Variants in MYO3B observed in about 807,000 individuals in gnomAD.
The protein encoded by MYO3B is myosin IIIB.
A neutral mutation model predicts 174.6 loss-of-function variants in MYO3B; 156 were observed. The ratio of observed to expected loss-of-function variants is 0.89; its 90% confidence interval spans 0.78 to 1.02. The LOEUF is 1.02. Among genes scored for constraint, MYO3B ranks in the 50% least tolerant of loss-of-function variants. MYO3B has a pLI of 0.00. For missense variants in MYO3B, 1,632 were observed against 1,639.4 expected (o/e 1.00, Z 0.08); for synonymous variants, 563 against 569.1 (o/e 0.99, Z 0.15).
At chr2:170,183,890 T>TAAA (rs3066881) in intron 1 of MYO3B, among the ~76,000 whole-genome samples, 2 of 151,798 alleles carry the variant, frequency 1.3e-5, no homozygotes, top group African/African-American at 4.8e-5. Context: ...TTCTAAAAAT[T>TAAA]AGATATTAAA....
intron 7 of MYO3B, among the ~76,000 whole-genome samples, chr2:170,280,436 T>C (rs993780105): frequency 6.6e-6 from 1 of 152,204 alleles, no homozygotes; most frequent in Non-Finnish European, 1.5e-5. Context: ...GCTGATAGTT[T>C]CTTTTGCCGT....
intron 32 of MYO3B, chr2:170,647,983 A>C (rs1698507569): frequency 6.6e-6 from 1 of 152,194 alleles, no homozygotes; most frequent in Non-Finnish European, 1.5e-5. Flanking sequence ...GCCGTATTAG[A>C]AAGTCTGAGG....
chr2:170,536,930 G>A (rs1327764144), intron 30 of MYO3B, among the ~76,000 whole-genome samples: 2 of 152,016 alleles, frequency 1.3e-5, no homozygotes, highest in African/African-American at 4.8e-5. Context: ...GGCTGGGCGT[G>A]GTGGCTCACG....
At chr2:170,553,623 T>A (rs1691076188) in intron 32 of MYO3B, among the ~76,000 whole-genome samples, 2 of 152,212 alleles carry the variant, frequency 1.3e-5, no homozygotes, top group Admixed American at 1.3e-4. Flanking sequence ...GGACTTGGAC[T>A]TTTGGGTTAA....
intron 7 of MYO3B, among the ~76,000 whole-genome samples, chr2:170,304,250 A>G (rs2093684943): frequency 6.6e-6 from 1 of 152,122 alleles, no homozygotes; most frequent in South Asian, 2.1e-4. Flanking sequence ...TTCCTTCAAC[A>G]GTGTATGAAA....
At chr2:170,235,006 A>G (rs2093054964) in intron 6 of MYO3B, among the ~76,000 whole-genome samples, 1 of 152,230 alleles carries the variant, frequency 6.6e-6, no homozygotes. Context: ...CACCACAGTC[A>G]GTAGTCTCAT....
At chr2:170,466,186 A>G (rs994731884) in intron 24 of MYO3B, among the ~76,000 whole-genome samples, 6 of 152,172 alleles carry the variant, frequency 3.9e-5, no homozygotes, top group Non-Finnish European at 8.8e-5. Flanking sequence ...CAGATTGTGG[A>G]ACATCACCTT....
intron 30 of MYO3B, among the ~76,000 whole-genome samples, chr2:170,533,825 T>G (rs1332079265): frequency 6.6e-6 from 1 of 152,280 alleles, no homozygotes; most frequent in Non-Finnish European, 1.5e-5. Context: ...GTGTTTATTT[T>G]GTTCTGCCCA....
rs76587111 is a variant in MYO3B, at chr2:170,597,966, C to T, written c.3734-53662C>T. Among the ~76,000 whole-genome samples, 33 of 152,286 alleles carry T rather than the reference C, an allele frequency of 2.2e-4. 1 individual carries two copies. In the East Asian group the frequency reaches 6.2e-3, roughly 29 times the overall value. On this transcript the variant is annotated intron_variant, in intron 32 of 34. Transcript: ENST00000408978. ...CCTATTTCTCAACATAGCACCTAAA[C>T]ATCATAATTATAGCATTTGGGGACA...
intron 7 of MYO3B, among the ~76,000 whole-genome samples, chr2:170,304,031 G>T (rs74717937): frequency 0.02 from 2,979 of 152,126 alleles, 113 homozygotes; most frequent in African/African-American, 0.068. Context: ...CTTATAGATG[G>T]GCATTTTGGT....
chr2:170,266,589 A>T (rs1390876021), intron 7 of MYO3B, among the ~76,000 whole-genome samples: 1 of 152,176 alleles, frequency 6.6e-6, no homozygotes, highest in Non-Finnish European at 1.5e-5. Context: ...TCAAGCAGAG[A>T]AGTACAAGGA....
At chr2:170,254,295 G>A (rs62172040) in intron 7 of MYO3B, among the ~76,000 whole-genome samples, 2,783 of 152,252 alleles carry the variant, frequency 0.018, 40 homozygotes, top group Non-Finnish European at 0.022. Flanking sequence ...CGCCCAGAAG[G>A]TTACACTCAT....
intron 7 of MYO3B, among the ~76,000 whole-genome samples, chr2:170,269,202 C>T (rs2093407076): frequency 6.6e-6 from 1 of 152,068 alleles, no homozygotes; most frequent in Admixed American, 6.6e-5. Flanking sequence ...GACAATGCCC[C>T]CAAACATTTT....
At chr2:170,253,935 A>G (rs1196893188) in intron 7 of MYO3B, among the ~76,000 whole-genome samples, 1 of 152,162 alleles carries the variant, frequency 6.6e-6, no homozygotes, top group Non-Finnish European at 1.5e-5. Flanking sequence ...AGATGTAGCC[A>G]GGAAGTGCCT....
At chr2:170,221,760 T>A (rs1172266017) in intron 6 of MYO3B, among the ~76,000 whole-genome samples, 1 of 151,564 alleles carries the variant, frequency 6.6e-6, no homozygotes, top group African/African-American at 2.4e-5. Flanking sequence ...AAAGATGGGG[T>A]CTTACCATGT....
At chr2:170,623,087 C>T (rs2105341672) in intron 32 of MYO3B, among the ~76,000 whole-genome samples, 1 of 152,266 alleles carries the variant, frequency 6.6e-6, no homozygotes, top group East Asian at 1.9e-4. Context: ...GGTATATACC[C>T]AGTAATGGGA....
chr2:170,551,961 C>T (rs1690954480), intron 32 of MYO3B, among the ~76,000 whole-genome samples: 1 of 152,104 alleles, frequency 6.6e-6, no homozygotes, highest in Non-Finnish European at 1.5e-5. Flanking sequence ...TGCTTTCTTC[C>T]CCTTCCCCCT....
At chr2:170,441,278 C>A (rs2094799005) in intron 22 of MYO3B, among the ~76,000 whole-genome samples, 1 of 152,096 alleles carries the variant, frequency 6.6e-6, no homozygotes, top group African/African-American at 2.4e-5. Context: ...TATCTAATTG[C>A]CCCAGCTAAG....
chr2:170,466,796 G>A (rs996886016), intron 25 of MYO3B, 85 bp downstream of exon 25: 32 of 1,386,572 alleles, frequency 2.3e-5, no homozygotes, highest in Admixed American at 7.7e-5. Context: ...TTCCTCCTGC[G>A]TGCTCTCCTC....
Sources: gnomAD v4.1 joint callset for allele counts (sites outside exome capture counted in the v4.1 genomes callset) on GRCh38, gnomAD v4.1.1 for gene constraint, MANE v1.5 for transcripts, NCBI Gene and HGNC (gene_info 2026-07-23, HGNC 2026-07-21) for gene names.